The following MYO1D variants were observed in gnomAD, a reference collection of about 807,000 sequenced individuals.
MYO1D encodes the protein myosin ID.
In MYO1D, 83 loss-of-function variants were observed where a neutral mutation model predicts 122.0. The ratio of observed to expected loss-of-function variants is 0.68; its 90% CI spans 0.57 to 0.82. MYO1D has a LOEUF of 0.82. Among genes scored for constraint, MYO1D ranks in the 40% least tolerant of loss-of-function variants. The pLI, the probability that MYO1D is intolerant of heterozygous loss-of-function variation, is 0.00. For synonymous variants in MYO1D, 464 were observed against 446.9 expected, an observed-to-expected ratio of 1.04 and a Z score of -0.48; for missense variants, 1,157 against 1,269.5, an observed-to-expected ratio of 0.91 and a Z score of 1.35.
intron 1 of MYO1D, among the ~76,000 whole-genome samples, chr17:32,869,365 T>C (rs1403943688): frequency 2.0e-5 from 3 of 152,238 alleles, no homozygotes; most frequent in Non-Finnish European, 2.9e-5. Context: ...AAAATGCTGT[T>C]ACCCTCTGAC....
At chr17:32,793,760 G>C (rs2090383195) in intron 1 of MYO1D, among the ~76,000 whole-genome samples, 3 of 152,168 alleles carry the variant, frequency 2.0e-5, no homozygotes, top group Admixed American at 6.6e-5. Context: ...TGGACTCTGG[G>C]ATCTGGCTGC....
chr17:32,639,280 G>A (rs2088154282), intron 19 of MYO1D, among the ~76,000 whole-genome samples: 1 of 151,192 alleles, frequency 6.6e-6, no homozygotes, highest in Non-Finnish European at 1.5e-5. Flanking sequence ...ATAGGGATAA[G>A]ACAAATAGGA....
intron 20 of MYO1D, among the ~76,000 whole-genome samples, chr17:32,628,611 A>T (rs321159): frequency 2.6e-5 from 4 of 152,224 alleles, no homozygotes; most frequent in Non-Finnish European, 5.9e-5. Context: ...ACAAAGAGTG[A>T]AGAGATGGTT....
chr17:32,634,109 T>C (rs973171034), intron 20 of MYO1D, among the ~76,000 whole-genome samples: 2 of 152,176 alleles, frequency 1.3e-5, no homozygotes, highest in Non-Finnish European at 2.9e-5. Context: ...ATTGAGGGTG[T>C]GATGTATAGA....
chr17:32,724,512 A>G (rs998434770), intron 14 of MYO1D, among the ~76,000 whole-genome samples: 2 of 152,220 alleles, frequency 1.3e-5, no homozygotes. Context: ...GTCAGAATCC[A>G]GGAGAGGAAG....
In MYO1D at chr17:32,721,035, T is replaced by G. The variant is rs779477159; in HGVS notation, c.1901A>C (p.Lys634Thr). The G allele has an allele frequency of 6.2e-7, 1 of 1,614,082 alleles. No individual in the cohort carries two copies. Among genetic ancestry groups the G allele is most frequent in the South Asian group, 1.1e-5 (1 of 91,066 alleles). Residue 634 changes from lysine to threonine, a missense_variant, in exon 15 of 22, where the codon AAG becomes ACG. Transcript: ENST00000318217. ...AGFAFRQTYEKFLHRYKMISE... is the reference protein window; with the variant it reads ...AGFAFRQTYETFLHRYKMISE... ...AGTCTATTCTCACCTGTGAAGAAAC[T>G]TCTCGTATGTCTGGCGGAAGGCAAA...
chr17:32,571,978 C>T (rs2087233823), intron 21 of MYO1D, among the ~76,000 whole-genome samples: 1 of 152,136 alleles, frequency 6.6e-6, no homozygotes. Context: ...TTATCAACTT[C>T]AATTTATCTG....
intron 21 of MYO1D, among the ~76,000 whole-genome samples, chr17:32,580,162 T>G (rs1257068342): frequency 6.6e-6 from 1 of 152,184 alleles, no homozygotes; most frequent in Non-Finnish European, 1.5e-5. Flanking sequence ...GCAATAGAGT[T>G]AAATCCTATC....
chr17:32,747,025 G>A (rs1378971694), intron 12 of MYO1D, among the ~76,000 whole-genome samples: 1 of 152,170 alleles, frequency 6.6e-6, no homozygotes, highest in Non-Finnish European at 1.5e-5. Context: ...GGAGATATTT[G>A]TATAGTACTG....
chr17:32,620,985 G>C (rs575742176), intron 20 of MYO1D, among the ~76,000 whole-genome samples: 81 of 152,182 alleles, frequency 5.3e-4, no homozygotes, highest in South Asian at 1.2e-3. Context: ...TTTTGGAATA[G>C]TTGCATATAT....
At chr17:32,510,971 AAAAG>A in intron 21 of MYO1D, 1 of 151,990 alleles carries the variant, frequency 6.6e-6, no homozygotes, top group Admixed American at 6.5e-5. Flanking sequence ...AAAAAAAAAA[AAAAG>A]AAACAGAATA....
intron 11 of MYO1D, among the ~76,000 whole-genome samples, chr17:32,752,130 T>C (rs2089904922): frequency 6.6e-6 from 1 of 152,168 alleles, no homozygotes; most frequent in South Asian, 2.1e-4. Context: ...GCTGTATACC[T>C]ACAATCAACT....
intron 12 of MYO1D, among the ~76,000 whole-genome samples, chr17:32,746,843 T>G (rs961220543): frequency 6.6e-6 from 1 of 152,234 alleles, no homozygotes; most frequent in African/African-American, 2.4e-5. Context: ...AGTTCTTCTG[T>G]AAATTTGCTA....
chr17:32,740,530 G>A (rs1457634864), intron 13 of MYO1D, among the ~76,000 whole-genome samples: 3 of 152,188 alleles, frequency 2.0e-5, no homozygotes, highest in African/African-American at 7.2e-5. Flanking sequence ...CTAGGCTGGA[G>A]TGCAGTGGTG....
chr17:32,543,432 C>G (rs567183147), intron 21 of MYO1D, among the ~76,000 whole-genome samples: 71 of 149,774 alleles, frequency 4.7e-4, no homozygotes, highest in African/African-American at 1.7e-3. Context: ...AAAAATTAGT[C>G]GGGCGTGGTG....
chr17:32,560,786 A>G (rs2087118056), intron 21 of MYO1D, among the ~76,000 whole-genome samples: 1 of 149,736 alleles, frequency 6.7e-6, no homozygotes, highest in African/African-American at 2.5e-5. Context: ...TTCCTAGTTA[A>G]TTTTTGTATT....
intron 16 of MYO1D, among the ~76,000 whole-genome samples, chr17:32,670,457 A>C (rs2088700000): frequency 6.6e-6 from 1 of 152,178 alleles, no homozygotes; most frequent in African/African-American, 2.4e-5. Context: ...AGAGAGAACC[A>C]AAGAACAAGC....
intron 1 of MYO1D, among the ~76,000 whole-genome samples, chr17:32,840,354 G>A (rs200441366): frequency 6.6e-6 from 1 of 152,088 alleles, no homozygotes; most frequent in Non-Finnish European, 1.5e-5. Flanking sequence ...TTTTCTCAAC[G>A]TGGGAGTGAT....
At chr17:32,625,184 G>T (rs1316608404) in intron 20 of MYO1D, among the ~76,000 whole-genome samples, 2 of 152,156 alleles carry the variant, frequency 1.3e-5, no homozygotes, top group Non-Finnish European at 2.9e-5. Flanking sequence ...TCAGTTTCCT[G>T]CGGGCATACA....
Sources: allele counts gnomAD v4.1 joint callset (sites outside exome capture counted in the v4.1 genomes callset), GRCh38; gene constraint gnomAD v4.1.1; transcripts MANE v1.5; gene names NCBI Gene and HGNC (gene_info 2026-07-23, HGNC 2026-07-21).